MYO15A: variants seen among roughly 807,000 people sequenced by gnomAD.
The protein encoded by MYO15A is myosin XVA, also known as unconventional myosin-XV.
MYO15A carries 308 observed loss-of-function variants against 394.6 expected under a neutral mutation model. The observed-to-expected ratio is 0.78, with a 90% CI of 0.71 to 0.86. The LOEUF is 0.86. MYO15A is among the 40% of genes least tolerant of loss of function. The pLI is 0.00. For missense variants in MYO15A, 4,606 were observed against 4,799.1 expected, an observed-to-expected ratio of 0.96 and a Z score of 1.19; for synonymous variants, 1,957 against 2,003.8, an observed-to-expected ratio of 0.98 and a Z score of 0.62.
Position 18,155,379 on chromosome 17 carries a change from G to A in MYO15A, c.8406G>A (p.Met2802Ile). 1 of 1,613,742 alleles carries A rather than the reference G, an allele frequency of 6.2e-7. No individual in the cohort carries two copies. The highest frequency in any genetic ancestry group is 8.5e-7 in the Non-Finnish European group (1 of 1,180,044). ...ACGTGGGCATCAAACTCCTGAGGATGGTCAAGGGTGGCCAGGAGGCCGGCG... is the reference window on the plus strand; with the variant it reads ...ACGTGGGCATCAAACTCCTGAGGATAGTCAAGGGTGGCCAGGAGGCCGGCG... ...VSHVGIKLLRMVKGGQEAGGQ... is the reference protein window; with the variant it reads ...VSHVGIKLLRIVKGGQEAGGQ... Residue 2802 changes from methionine (M) to isoleucine (I), a missense_variant, in exon 47 of 66, where the codon ATG becomes ATA. Met to Ile is a conservative substitution (Grantham distance 10, BLOSUM62 1). Around this residue, in one of 2 missense-constraint regions of MYO15A, gnomAD observed 2,776 missense variants for 3,109.3 expected, o/e 0.89. Transcript: ENST00000647165.
In MYO15A at chr17:18,141,094, C is replaced by A. The variant is rs202187786; in HGVS notation, c.5482C>A (p.Arg1828Ser). ...AGGGGTGCTGGAGACCGTGAGGATCCGCAAGGAGGGATTTCCAGTGCGCCT... is the reference window on the plus strand; with the variant it reads ...AGGGGTGCTGGAGACCGTGAGGATCAGCAAGGAGGGATTTCCAGTGCGCCT... ...YSGVLETVRI[R>S]KEGFPVRLPF... The change falls in exon 22 of 66, where the codon CGC becomes AGC. Residue 1828 changes from arginine (R) to serine (S), a missense_variant. Arg to Ser is a moderately radical substitution (Grantham distance 110). Coordinates refer to ENST00000647165, the MANE Select transcript of MYO15A (RefSeq NM_016239.4). The A allele has an allele frequency of 1.9e-6, 3 of 1,613,996 alleles. No individual in the cohort carries two copies. In the Admixed American group the frequency reaches 5.0e-5, roughly 27 times the overall value.
chr17:18,172,486 C>T, intron 64 of MYO15A, 196 bp downstream of exon 64: 1 of 827,062 alleles, frequency 1.2e-6, no homozygotes, highest in South Asian at 1.5e-5. Flanking sequence ...TGAGCCCCAC[C>T]CATAGGGCTG....
chr17:18,120,397 G>A lies in MYO15A; in HGVS notation c.1597G>A (p.Gly533Ser), dbSNP rs1041856981. The change falls in exon 2 of 66, where the codon GGC becomes AGC. Residue 533 changes from glycine (G) to serine (S), a missense_variant. By Grantham distance (56) the Gly-to-Ser change is moderately conservative. Around this residue, in one of 2 missense-constraint regions of MYO15A, gnomAD observed 1,830 missense variants for 1,689.7 expected, o/e 1.08. Coordinates refer to ENST00000647165, the MANE Select transcript of MYO15A (RefSeq NM_016239.4). ...SAVPYGHPFW[G>S]FLTPRQRNLQ... ...TGTGCCCTACGGCCACCCTTTCTGG[G>A]GCTTCCTCACGCCGCGCCAGCGCAA... 3 of 1,609,408 alleles carry A rather than the reference G, an allele frequency of 1.9e-6. No individual in the cohort carries two copies. Among genetic ancestry groups the A allele is most frequent in the Non-Finnish European group, 2.5e-6 (3 of 1,179,004 alleles).
Position 18,158,635 on chromosome 17 carries a change from C to T in MYO15A, c.9080C>T (p.Pro3027Leu), listed in dbSNP as rs1306698025. Reference protein sequence around the residue: ...QKYFRDPQRRPQDGLRLKSKE... With the variant: ...QKYFRDPQRRLQDGLRLKSKE... ...TATTTCCGAGACCCTCAGAGGAGAC[C>T]CCAGTGAGTGGCGGCCCCACCCCTC... Residue 3027 changes from proline to leucine, a missense_variant, in exon 52 of 66, where the codon CCC becomes CTC. Transcript: ENST00000647165. 1 of 1,614,000 alleles carries T rather than the reference C, an allele frequency of 6.2e-7. No homozygotes were observed. Among genetic ancestry groups the T allele is most frequent in the Non-Finnish European group, 8.5e-7 (1 of 1,179,874 alleles).
rs769917614 is a variant in MYO15A, at chr17:18,150,771, T to G, written c.7395+6T>G. ...ACAAACAGGCCGTGCTGCTGGTGAG[T>G]GAGGGAGGGACTGCTGGGGGGTGGA... is the stretch of plus-strand genomic sequence containing the variant. On this transcript the variant is annotated splice_donor_region_variant and intron_variant, in intron 37 of 65. Coordinates refer to ENST00000647165, the MANE Select transcript of MYO15A (RefSeq NM_016239.4). This position sits in a 1 kb window ranked among gnomAD's most constrained non-coding sequence, Gnocchi z 4.4. 6 of 1,582,012 alleles carry G rather than the reference T, an allele frequency of 3.8e-6. No homozygotes were observed. The highest frequency in any genetic ancestry group is 1.3e-5 in the African/African-American group (1 of 74,190).
chr17:18,169,219 C>G (rs1200453889), intron 62 of MYO15A, among the ~76,000 whole-genome samples: 1 of 150,718 alleles, frequency 6.6e-6, no homozygotes, highest in African/African-American at 2.4e-5. Context: ...GGTCGAGGTG[C>G]GTGGATCACC....
chr17:18,125,315 C>A, intron 4 of MYO15A, 84 bp downstream of exon 4: 2 of 1,320,620 alleles, frequency 1.5e-6, no homozygotes, highest in African/African-American at 1.4e-5. Flanking sequence ...ACAGATTTCT[C>A]TTGTGGGCCC....
chr17:18,115,032 A>G (rs927932463), intron 1 of MYO15A, among the ~76,000 whole-genome samples: 1 of 151,826 alleles, frequency 6.6e-6, no homozygotes, highest in Non-Finnish European at 1.5e-5. Context: ...TACTTCCTCA[A>G]TTTGCTCTGT....
chr17:18,149,968 A>AAG (rs1162458270), intron 35 of MYO15A: 8 of 312,500 alleles, frequency 2.6e-5, no homozygotes, highest in East Asian at 7.4e-5. Context: ...AAAAAAAAAA[A>AAG]AAAGAAAGGG....
intron 17 of MYO15A, 57 bp downstream of exon 17, chr17:18,138,303 C>G: frequency 6.3e-7 from 1 of 1,583,016 alleles, no homozygotes; most frequent in Non-Finnish European, 8.6e-7. Context: ...AGCCTCATGT[C>G]CTCATCCCAC....
chr17:18,172,432 C>A (rs777842900), intron 64 of MYO15A, 142 bp downstream of exon 64: 20 of 1,257,114 alleles, frequency 1.6e-5, no homozygotes, highest in Non-Finnish European at 2.1e-5. Context: ...TCTCTTCCCT[C>A]CTCTGAGCCT....
intron 55 of MYO15A, 110 bp from the exon 56 acceptor site, chr17:18,159,825 G>A (rs2046747961): frequency 8.9e-6 from 13 of 1,461,034 alleles, no homozygotes; most frequent in Non-Finnish European, 1.2e-5. Flanking sequence ...GAGGGGGCTG[G>A]GAAAGGGACA....
intron 61 of MYO15A, among the ~76,000 whole-genome samples, chr17:18,167,140 A>AC (rs1258603247): frequency 6.6e-6 from 1 of 152,168 alleles, no homozygotes; most frequent in African/African-American, 2.4e-5. Context: ...GCACCATGCT[A>AC]CTCAACCTGA....
chr17:18,122,066 C>A lies in MYO15A; in HGVS notation c.3266C>A (p.Ala1089Asp), dbSNP rs1395185235. Residue 1089 changes from alanine to aspartate, a missense_variant, in exon 2 of 66, where the codon GCC becomes GAC. Ala to Asp is a moderately radical substitution (Grantham distance 126). Coordinates refer to ENST00000647165, the MANE Select transcript of MYO15A (RefSeq NM_016239.4). ...TGGGGAACACTGCCCCAAGCCGCAG[C>A]CCCCTTGGCGCCCATCAGGGCCCCA... ...HRWGTLPQAA[A>D]PLAPIRAPEP... The A allele has an allele frequency of 6.2e-7, 1 of 1,612,886 alleles. No homozygotes were observed. The highest frequency in any genetic ancestry group is 8.5e-7 in the Non-Finnish European group (1 of 1,179,976).
In MYO15A at chr17:18,118,606, G is replaced by T; in HGVS notation, c.-195G>T. The T allele has an allele frequency of 1.4e-6, 1 of 727,280 alleles. No individual in the cohort carries two copies. 45.1% of individuals were successfully genotyped at this position (727,280 alleles called of 1,614,324 possible). A position where few individuals can be genotyped will look rare whatever the true frequency, so the allele number is the denominator to read the frequency against. The stretch of plus-strand genomic sequence containing the variant: ...GGGTGAAACCCAAGGCGCTCTAGAG[G>T]AGATGAATTATGGATCCGCCCTCCC... On this transcript the variant is annotated 5_prime_UTR_variant, in exon 2 of 66. Coordinates refer to ENST00000647165, the MANE Select transcript of MYO15A (RefSeq NM_016239.4).
intron 48 of MYO15A, 38 bp downstream of exon 48, chr17:18,156,374 T>A: frequency 6.2e-7 from 1 of 1,604,932 alleles, no homozygotes; most frequent in Non-Finnish European, 8.5e-7. Flanking sequence ...CCACCCAGGC[T>A]GAGGGCCAGC....
At chr17:18,149,176 T>C (rs748129796) in intron 33 of MYO15A, 40 bp from the exon 34 acceptor site, 82 of 1,612,408 alleles carry the variant, frequency 5.1e-5, no homozygotes, top group Non-Finnish European at 6.4e-5. Flanking sequence ...TTCTGGGATC[T>C]CTCTGGGGGT....
chr17:18,130,756 A>G (rs1245232193), intron 7 of MYO15A, 49 bp from the exon 8 acceptor site: 2 of 1,606,146 alleles, frequency 1.2e-6, no homozygotes, highest in Admixed American at 3.4e-5. Context: ...TAGTGACTCC[A>G]TTCTGTTCTT....
chr17:18,154,485 T>C (rs2046639204), intron 44 of MYO15A, among the ~76,000 whole-genome samples, 195 bp from the exon 45 acceptor site: 1 of 152,160 alleles, frequency 6.6e-6, no homozygotes, highest in African/African-American at 2.4e-5. Flanking sequence ...AAGGGTGGCC[T>C]GGATTGTGGG....
Sources: allele counts gnomAD v4.1 joint callset (sites outside exome capture counted in the v4.1 genomes callset), GRCh38; gene constraint gnomAD v4.1.1; regional missense constraint gnomAD v4.1.1; non-coding constraint Gnocchi (gnomAD v3.1); transcripts MANE v1.5; gene names NCBI Gene and HGNC (gene_info 2026-07-23, HGNC 2026-07-21).